The following WDPCP variants were observed in gnomAD, a reference collection of about 807,000 sequenced individuals.
WDPCP encodes the protein WD repeat containing planar cell polarity effector, also known as WD repeat-containing and planar cell polarity effector protein fritz homolog.
A neutral mutation model predicts 93.1 loss-of-function variants in WDPCP; 71 were observed. The observed-to-expected ratio is 0.76, with a 90% CI of 0.63 to 0.93. The LOEUF (loss-of-function observed/expected upper bound fraction) is 0.93. WDPCP is among the 40% of genes least tolerant of loss of function. The pLI, the probability that WDPCP is intolerant of heterozygous loss-of-function variation, is 0.00. For missense variants in WDPCP, 844 were observed against 887.4 expected (o/e 0.95, Z 0.62); for synonymous variants, 315 against 315.0 (o/e 1.00, Z 0.00).
At chr2:63,622,084 T>TTG in intron 3 of WDPCP, 3 of 761,788 alleles carry the variant, frequency 3.9e-6, no homozygotes, top group East Asian at 4.3e-5. Flanking sequence ...TTTTTTTTTT[T>TTG]GGAAGTTGAT....
At chr2:63,651,113 G>A (rs1442642496) in intron 2 of WDPCP, among the ~76,000 whole-genome samples, 1 of 152,116 alleles carries the variant, frequency 6.6e-6, no homozygotes, top group Non-Finnish European at 1.5e-5. Flanking sequence ...TGGTTCCTAG[G>A]TTGCTTTCCG....
At position 63,510,345 on chromosome 2, in the gene WDPCP, A is replaced by C. The variant is rs113401579; in HGVS notation, c.76-17405T>G. On this transcript the variant is annotated intron_variant, in intron 1 of 17. Coordinates refer to ENST00000272321, the MANE Select transcript of WDPCP (RefSeq NM_015910.7). ...ATGACAAAAACCACATAATTATCTC[A>C]ATAGATGCAGAAAAGGCCTTTGATA... is the stretch of plus-strand genomic sequence containing the variant. 5.1e-3 allele frequency among the ~76,000 whole-genome samples: 780 copies of C among 152,328 alleles called. 4 individuals are homozygous for C. Among genetic ancestry groups the C allele is most frequent in the Non-Finnish European group, 9.4e-3 (642 of 68,026 alleles).
intron 1 of WDPCP, among the ~76,000 whole-genome samples, chr2:63,521,585 TC>T (rs1199169083): frequency 1.3e-5 from 2 of 152,104 alleles, no homozygotes; most frequent in Non-Finnish European, 2.9e-5. Context: ...CTGGGAGACT[TC>T]AACACCCCAT....
intron 12 of WDPCP, among the ~76,000 whole-genome samples, chr2:63,336,099 A>T (rs1214521706): frequency 2.0e-5 from 3 of 152,186 alleles, no homozygotes; most frequent in Non-Finnish European, 4.4e-5. Context: ...GCAGCACTCA[A>T]GGCTGCTCTA....
chr2:63,692,604 T>G (rs1227196474), intron 2 of WDPCP, among the ~76,000 whole-genome samples: 2 of 152,196 alleles, frequency 1.3e-5, no homozygotes, highest in Admixed American at 6.5e-5. Flanking sequence ...TTTATTCAGA[T>G]CTAAAAGTAA....
chr2:63,424,434 G>A (rs1053672059), intron 9 of WDPCP, among the ~76,000 whole-genome samples: 2 of 152,066 alleles, frequency 1.3e-5, no homozygotes, highest in African/African-American at 4.8e-5. Flanking sequence ...TCACACCCTC[G>A]TTGTCCACCA....
chr2:63,639,496 T>C (rs1009770565), intron 3 of WDPCP, among the ~76,000 whole-genome samples: 4 of 152,072 alleles, frequency 2.6e-5, no homozygotes, highest in African/African-American at 9.7e-5. Context: ...AAGATCAAGG[T>C]GAGAGGGGCA....
intron 1 of WDPCP, among the ~76,000 whole-genome samples, chr2:63,572,539 C>A (rs1707590639): frequency 1.3e-5 from 2 of 151,176 alleles, no homozygotes; most frequent in East Asian, 1.9e-4. Flanking sequence ...CCCATCTCTA[C>A]TAAAAATACA....
At chr2:63,329,549 A>G (rs1687827921) in intron 12 of WDPCP, among the ~76,000 whole-genome samples, 1 of 152,092 alleles carries the variant, frequency 6.6e-6, no homozygotes, top group Non-Finnish European at 1.5e-5. Flanking sequence ...GAACTTCCTA[A>G]TTTGCCTTGT....
At chr2:63,816,702 T>C (rs1375872515) in intron 1 of WDPCP, among the ~76,000 whole-genome samples, 1 of 152,180 alleles carries the variant, frequency 6.6e-6, no homozygotes, top group Non-Finnish European at 1.5e-5. Flanking sequence ...GCCACCACGT[T>C]TGTAGTCATT....
chr2:63,308,796 G>A (rs920745928), intron 13 of WDPCP, among the ~76,000 whole-genome samples: 3 of 152,152 alleles, frequency 2.0e-5, no homozygotes, highest in Non-Finnish European at 4.4e-5. Flanking sequence ...TAATGTAGAT[G>A]ATGGGTTGAT....
chr2:63,815,578 T>C (rs1279095471), intron 1 of WDPCP, among the ~76,000 whole-genome samples: 1 of 152,172 alleles, frequency 6.6e-6, no homozygotes, highest in Non-Finnish European at 1.5e-5. Context: ...GAAGCTTTCA[T>C]TGCAAAGTGA....
chr2:63,522,564 T>C (rs1703025054), intron 1 of WDPCP, among the ~76,000 whole-genome samples: 1 of 151,016 alleles, frequency 6.6e-6, no homozygotes, highest in South Asian at 2.1e-4. Context: ...GATAGACCAC[T>C]AGCTAGACTA....
At chr2:63,792,147 T>C (rs1434303068) in intron 2 of WDPCP, among the ~76,000 whole-genome samples, 2 of 152,194 alleles carry the variant, frequency 1.3e-5, no homozygotes, top group Non-Finnish European at 2.9e-5. Flanking sequence ...TTAGTCCATT[T>C]ACACACTGTT....
chr2:63,587,271 C>T (rs1196028034), intron 1 of WDPCP, among the ~76,000 whole-genome samples: 1 of 152,114 alleles, frequency 6.6e-6, no homozygotes, highest in Non-Finnish European at 1.5e-5. Context: ...ACAGAGAATA[C>T]AGGCACCCCA....
intron 1 of WDPCP, among the ~76,000 whole-genome samples, chr2:63,538,036 C>T (rs763113552): frequency 6.6e-6 from 1 of 151,768 alleles, no homozygotes; most frequent in East Asian, 1.9e-4. Context: ...TTATAATATG[C>T]GCTAAAAAAC....
intron 9 of WDPCP, among the ~76,000 whole-genome samples, chr2:63,416,897 T>A (rs1695476459): frequency 6.6e-6 from 1 of 152,178 alleles, no homozygotes; most frequent in African/African-American, 2.4e-5. Flanking sequence ...TGACCCTGTA[T>A]AACAGCCACA....
chr2:63,354,637 C>A (rs974461090), intron 12 of WDPCP, among the ~76,000 whole-genome samples: 2 of 152,036 alleles, frequency 1.3e-5, no homozygotes, highest in South Asian at 2.1e-4. Context: ...TACACCCACA[C>A]CCCCACACAC....
At chr2:63,216,149 C>T (rs774681440) in intron 14 of WDPCP, among the ~76,000 whole-genome samples, 2 of 152,146 alleles carry the variant, frequency 1.3e-5, no homozygotes, top group Non-Finnish European at 2.9e-5. Flanking sequence ...GTCAGTGTGG[C>T]AATTCCTCAA....
Sources: allele counts gnomAD v4.1 joint callset (sites outside exome capture counted in the v4.1 genomes callset), GRCh38; gene constraint gnomAD v4.1.1; transcripts MANE v1.5; gene names NCBI Gene and HGNC (gene_info 2026-07-23, HGNC 2026-07-21).